Variants in RNF24 observed in about 807,000 individuals in gnomAD.
The protein encoded by RNF24 is ring finger protein 24.
RNF24 carries 14 observed loss-of-function variants against 20.0 expected under a neutral mutation model. That is an observed-to-expected ratio of 0.70 (90% CI 0.46 to 1.10). RNF24 has a LOEUF of 1.10. Among genes scored for constraint, RNF24 ranks in the 50% least tolerant of loss-of-function variants. The pLI, the probability that RNF24 is intolerant of heterozygous loss-of-function variation, is 0.00. For missense variants in RNF24, 124 were observed against 177.6 expected (o/e 0.70, Z 1.71); for synonymous variants, 45 against 61.1 (o/e 0.74, Z 1.23).
At chr20:3,974,434 A>C in intron 1 of RNF24, 1 of 1,522,766 alleles carries the variant, frequency 6.6e-7, no homozygotes, top group Non-Finnish European at 8.8e-7. Flanking sequence ...AAGGGAATAA[A>C]AGGCATACAC....
intron 1 of RNF24, among the ~76,000 whole-genome samples, chr20:3,971,550 G>A (rs1978357684): frequency 6.6e-6 from 1 of 152,138 alleles, no homozygotes; most frequent in South Asian, 2.1e-4. Flanking sequence ...GGTTCTAAAT[G>A]TATTCAGAGG....
chr20:3,948,219 C>A lies in RNF24; in HGVS notation c.186+18G>T, dbSNP rs2091043009. ...GGGGAAAAAAAAAATCAAAGCCAAT[C>A]TGAATTAAATTTCTCACCTGTTTGT... is the stretch of plus-strand genomic sequence containing the variant. On this transcript the variant is annotated intron_variant, in intron 3 of 5. Transcript: ENST00000358395. 1 of 1,567,636 alleles carries A rather than the reference C, an allele frequency of 6.4e-7. No individual in the cohort carries two copies. The highest frequency in any genetic ancestry group is 1.4e-5 in the African/African-American group (1 of 72,288).
intron 1 of RNF24, among the ~76,000 whole-genome samples, chr20:3,997,651 C>T (rs1980998925): frequency 6.6e-6 from 1 of 152,114 alleles, no homozygotes; most frequent in Admixed American, 6.6e-5. Flanking sequence ...CTCTCAAACC[C>T]CTGGGCTCAA....
At chr20:3,975,066 T>G (rs1413219846) in intron 1 of RNF24, among the ~76,000 whole-genome samples, 1 of 152,100 alleles carries the variant, frequency 6.6e-6, no homozygotes, top group African/African-American at 2.4e-5. Context: ...GACACATAAG[T>G]CAATGGAACA....
At chr20:3,968,184 A>G (rs534424302) in intron 1 of RNF24, among the ~76,000 whole-genome samples, 8 of 152,162 alleles carry the variant, frequency 5.3e-5, no homozygotes, top group Non-Finnish European at 1.2e-4. Context: ...GTGCGCCTGT[A>G]ATCCCAGCTT....
chr20:3,942,236 T>G (rs2090965581), intron 4 of RNF24, among the ~76,000 whole-genome samples: 3 of 151,266 alleles, frequency 2.0e-5, no homozygotes, highest in African/African-American at 7.3e-5. Context: ...TGGCACAACC[T>G]TGGCTCACTG....
rs1392741774 is a variant in RNF24, at chr20:3,932,036, A to T, written c.*2027T>A. ...GAATCCTATAAAAGCTGTGAGCAGC[A>T]ATAATTTGCAGTATTGATCATAGGA... On this transcript the variant is annotated 3_prime_UTR_variant, in exon 6 of 6. Coordinates refer to ENST00000358395, the MANE Select transcript of RNF24 (RefSeq NM_001134337.3). The T allele has an allele frequency of 1.3e-5, 2 of 152,250 alleles. No homozygotes were observed. 9.4% of individuals were successfully genotyped at this position (152,250 alleles called of 1,614,324 possible). A position where few individuals can be genotyped will look rare whatever the true frequency, so the allele number is the denominator to read the frequency against.
At chr20:3,956,284 G>T (rs1369741302) in intron 2 of RNF24, among the ~76,000 whole-genome samples, 3 of 149,852 alleles carry the variant, frequency 2.0e-5, no homozygotes, top group African/African-American at 7.3e-5. Flanking sequence ...TTTAATAAAT[G>T]CCCTTTCTTG....
chr20:3,999,390 A>G (rs952676707), intron 1 of RNF24, among the ~76,000 whole-genome samples: 47 of 152,228 alleles, frequency 3.1e-4, no homozygotes, highest in African/African-American at 1.1e-3. Flanking sequence ...TAGCTACAGT[A>G]ACCGTTTATA....
At chr20:3,990,784 G>GAC (rs1308818787) in intron 1 of RNF24, among the ~76,000 whole-genome samples, 1 of 152,086 alleles carries the variant, frequency 6.6e-6, no homozygotes, top group Non-Finnish European at 1.5e-5. Flanking sequence ...GCTGAGGTTA[G>GAC]AGGATCATCT....
At chr20:3,964,379 C>A (rs1479430882) in intron 1 of RNF24, among the ~76,000 whole-genome samples, 1 of 152,096 alleles carries the variant, frequency 6.6e-6, no homozygotes, top group East Asian at 1.9e-4. Flanking sequence ...ACTCTTTAGC[C>A]TTTAACCTAA....
rs1197039107 is a variant in RNF24, at chr20:4,008,356, G to GTATAATATATATATTATATA, written c.-8+7061_-8+7080dup. 2.0e-4 allele frequency among the ~76,000 whole-genome samples: 5 copies of GTATAATATATATATTATATA among 25,118 alleles called. 1 individual carries two copies. The highest frequency in any genetic ancestry group is 1.8e-3 in the South Asian group (2 of 1,094). The allele number at this position is 25,118 out of a possible 152,430, so 16.5% of individuals were successfully genotyped here. A position where few individuals can be genotyped will look rare whatever the true frequency, so the allele number is the denominator to read the frequency against. ...AATATATATATTATACATGTAATAT[G>GTATAATATATATATTATATA]TATAATATATATATTATATATATAA... On this transcript the variant is annotated intron_variant, in intron 1 of 5. Transcript: ENST00000358395.
At chr20:3,941,843 G>C (rs2090959042) in intron 4 of RNF24, among the ~76,000 whole-genome samples, 1 of 152,136 alleles carries the variant, frequency 6.6e-6, no homozygotes, top group Non-Finnish European at 1.5e-5. Flanking sequence ...AGAGGCCGAG[G>C]GGGGCAGATC....
chr20:4,008,599 G>C (rs1982177736), intron 1 of RNF24, among the ~76,000 whole-genome samples: 1 of 141,004 alleles, frequency 7.1e-6, no homozygotes, highest in Non-Finnish European at 1.5e-5. Context: ...CCAGGCTGGA[G>C]TGCAATGGCA....
At chr20:3,967,973 C>CAAAAAAAAAAAAAAAAAAAA (rs58984163) in intron 1 of RNF24, among the ~76,000 whole-genome samples, 4 of 77,178 alleles carry the variant, frequency 5.2e-5, no homozygotes, top group African/African-American at 1.0e-4. Context: ...AGCCTGGCAA[C>CAAAAAAAAAAAAAAAAAAAA]AAAAAAAAAA....
intron 1 of RNF24, among the ~76,000 whole-genome samples, chr20:3,976,332 AAT>A (rs1345125554): frequency 7.2e-5 from 11 of 152,226 alleles, no homozygotes; most frequent in Non-Finnish European, 2.9e-5. Flanking sequence ...GAAATTACTA[AAT>A]TAAACCTATC....
rs201982152 is a variant in RNF24 at position 3,928,233 on chromosome 20, G to GTGATTGA, written c.*5829_*5830insTCAATCA. 2 of 152,248 alleles carry GTGATTGA rather than the reference G, an allele frequency of 1.3e-5. No homozygotes were observed. Among genetic ancestry groups the GTGATTGA allele is most frequent in the African/African-American group, 4.8e-5 (2 of 41,456 alleles). 9.4% of individuals were successfully genotyped at this position (152,248 alleles called of 1,614,324 possible). A position where few individuals can be genotyped will look rare whatever the true frequency, so the allele number is the denominator to read the frequency against. ...TTCTACAAATGCCAGAAGAGTGGATGTGATAGAGAATTTTTTCTCAAGTTT... is the reference window on the plus strand; with the variant it reads ...TTCTACAAATGCCAGAAGAGTGGATGTGATTGATGATAGAGAATTTTTTCTCAAGTTT... On this transcript the variant is annotated 3_prime_UTR_variant, in exon 6 of 6. Coordinates refer to ENST00000358395, the MANE Select transcript of RNF24 (RefSeq NM_001134337.3).
At chr20:4,012,532 C>G (rs556425243) in intron 1 of RNF24, among the ~76,000 whole-genome samples, 1 of 152,038 alleles carries the variant, frequency 6.6e-6, no homozygotes, top group Non-Finnish European at 1.5e-5. Flanking sequence ...GATAATAGAT[C>G]CTAGTTAACA....
chr20:3,966,939 A>C (rs2091265263), intron 1 of RNF24, among the ~76,000 whole-genome samples: 1 of 152,196 alleles, frequency 6.6e-6, no homozygotes, highest in Non-Finnish European at 1.5e-5. Context: ...AGGGCCTTTT[A>C]ATAAATCCCA....
Sources: gnomAD v4.1 joint callset for allele counts (sites outside exome capture counted in the v4.1 genomes callset) on GRCh38, gnomAD v4.1.1 for gene constraint, MANE v1.5 for transcripts, NCBI Gene and HGNC (gene_info 2026-07-23, HGNC 2026-07-21) for gene names.